The following ACOXL variants were observed in gnomAD, a reference collection of about 807,000 sequenced individuals.
The protein encoded by ACOXL is acyl-coenzyme A oxidase-like protein.
ACOXL carries 70 observed loss-of-function variants against 71.9 expected under a neutral mutation model. That is an observed-to-expected ratio of 0.97 (90% CI 0.80 to 1.19). ACOXL has a LOEUF of 1.19. Among genes scored for constraint, ACOXL ranks in the 50% most tolerant of loss-of-function variants. The pLI, the probability that ACOXL is intolerant of heterozygous loss-of-function variation, is 0.00. For synonymous variants in ACOXL, 253 were observed against 281.6 expected (o/e 0.90, Z 1.02); for missense variants, 703 against 736.3 (o/e 0.95, Z 0.52).
chr2:110,855,602 A>G (rs752366265), intron 10 of ACOXL, among the ~76,000 whole-genome samples: 2 of 152,242 alleles, frequency 1.3e-5, no homozygotes, highest in Non-Finnish European at 2.9e-5. Context: ...ATTTCCCTTT[A>G]CCCAATGCTT....
rs140502935 is a variant in ACOXL at position 110,782,936 on chromosome 2, C to G, written c.76-1796C>G. Among the ~76,000 whole-genome samples, 174 of 152,204 alleles carry G rather than the reference C, an allele frequency of 1.1e-3. 1 individual carries two copies. Among genetic ancestry groups the G allele is most frequent in the Non-Finnish European group, 1.6e-3 (110 of 67,998 alleles). ...CCAGGACAGGTTGATGTCAGGTGCT[C>G]TCTGGGAACAAGGCTGGTGGTGAAA... On this transcript the variant is annotated intron_variant, in intron 2 of 17. Transcript: ENST00000439055.
At chr2:110,860,200 T>C (rs1453608487) in intron 10 of ACOXL, among the ~76,000 whole-genome samples, 1 of 152,168 alleles carries the variant, frequency 6.6e-6, no homozygotes, top group Non-Finnish European at 1.5e-5. Context: ...AACCTCTACC[T>C]CCTGGGATCA....
chr2:110,807,570 G>A (rs1447485662), intron 9 of ACOXL, among the ~76,000 whole-genome samples: 4 of 152,150 alleles, frequency 2.6e-5, no homozygotes, highest in African/African-American at 9.7e-5. Context: ...ACAGTAACCC[G>A]GAGTTAGCAC....
chr2:110,859,043 G>A (rs1173407013), intron 10 of ACOXL, among the ~76,000 whole-genome samples: 4 of 152,198 alleles, frequency 2.6e-5, no homozygotes, highest in Admixed American at 6.5e-5. Flanking sequence ...AGGTCAAATT[G>A]CAAAGTTGAA....
At chr2:110,975,590 T>TA (rs894994966) in intron 12 of ACOXL, among the ~76,000 whole-genome samples, 3 of 151,686 alleles carry the variant, frequency 2.0e-5, no homozygotes, top group African/African-American at 4.8e-5. Flanking sequence ...TAGTATTATC[T>TA]AAAAAAAATT....
At chr2:110,886,878 T>C in intron 10 of ACOXL, 2 of 1,550,114 alleles carry the variant, frequency 1.3e-6, no homozygotes, top group South Asian at 1.2e-5. Context: ...TGGTTTTTGC[T>C]AACGTTTCTT....
intron 10 of ACOXL, among the ~76,000 whole-genome samples, chr2:110,871,198 C>T (rs183944216): frequency 2.6e-5 from 4 of 152,222 alleles, no homozygotes; most frequent in African/African-American, 4.8e-5. Flanking sequence ...AAATCCCTTT[C>T]GGTGTGCCTG....
At chr2:111,065,716 G>A (rs564976340) in intron 16 of ACOXL, among the ~76,000 whole-genome samples, 5 of 152,278 alleles carry the variant, frequency 3.3e-5, no homozygotes, top group South Asian at 2.1e-4. Flanking sequence ...AAAAACAGGC[G>A]TTTCACTCAT....
At chr2:110,883,957 A>G (rs1466132917) in intron 10 of ACOXL, among the ~76,000 whole-genome samples, 1 of 152,190 alleles carries the variant, frequency 6.6e-6, no homozygotes, top group African/African-American at 2.4e-5. Flanking sequence ...TAGTTAATTC[A>G]TGTGATGGAG....
At chr2:110,803,198 G>A (rs140866680) in intron 8 of ACOXL, among the ~76,000 whole-genome samples, 207 of 152,276 alleles carry the variant, frequency 1.4e-3, no homozygotes, top group African/African-American at 4.5e-3. Context: ...ATATGGAAAT[G>A]CAGGAAACTT....
At chr2:110,818,410 C>T (rs199557536) in intron 9 of ACOXL, among the ~76,000 whole-genome samples, 4,159 of 128,234 alleles carry the variant, frequency 0.032, 177 homozygotes, top group African/African-American at 0.062. Flanking sequence ...AAAAAAAAAA[C>T]ATATATATAT....
In ACOXL at chr2:111,108,822, CCT is replaced by C. The variant is rs1479764600; in HGVS notation, c.1543-8793_1543-8792del. ...TTTCCATCAATTCCTCACCCTGACCCCTGAGTTTCTAACTTTATTATAAGAGC... is the reference window on the plus strand; with the variant it reads ...TTTCCATCAATTCCTCACCCTGACCCGAGTTTCTAACTTTATTATAAGAGC... On this transcript the variant is annotated intron_variant, in intron 17 of 17. Coordinates refer to ENST00000439055, the MANE Select transcript of ACOXL (RefSeq NM_001142807.4). 7.2e-5 allele frequency among the ~76,000 whole-genome samples: 11 copies of C among 152,192 alleles called. 1 individual carries two copies. Among genetic ancestry groups the C allele is most frequent in the Middle Eastern group, 6.3e-3 (2 of 316 alleles).
chr2:110,799,844 CAAG>C (rs2105319291), intron 7 of ACOXL, among the ~76,000 whole-genome samples: 1 of 152,256 alleles, frequency 6.6e-6, no homozygotes, highest in East Asian at 1.9e-4. Flanking sequence ...GTGTAACTAG[CAAG>C]AAGATTGTGA....
Position 110,882,382 on chromosome 2 carries a change from T to C in ACOXL, c.789-26407T>C, listed in dbSNP as rs183644402. 4.1e-3 allele frequency among the ~76,000 whole-genome samples: 631 copies of C among 152,376 alleles called. 4 individuals are homozygous for C. Among genetic ancestry groups the C allele is most frequent in the Middle Eastern group, 0.02 (6 of 294 alleles). ...TTGAATACAAGTGCTTTATCAGATA[T>C]GCCTTTTGCAAATATTTTCTGCCAG... On this transcript the variant is annotated intron_variant, in intron 10 of 17. Coordinates refer to ENST00000439055, the MANE Select transcript of ACOXL (RefSeq NM_001142807.4).
intron 5 of ACOXL, among the ~76,000 whole-genome samples, chr2:110,798,271 T>TC (rs1685510989): frequency 6.6e-6 from 1 of 151,704 alleles, no homozygotes; most frequent in East Asian, 1.9e-4. Flanking sequence ...TTTTTTTTTT[T>TC]TTTGAGATGG....
At chr2:111,042,069 C>A (rs2065812680) in intron 15 of ACOXL, among the ~76,000 whole-genome samples, 1 of 152,186 alleles carries the variant, frequency 6.6e-6, no homozygotes, top group East Asian at 1.9e-4. Flanking sequence ...CTGCTCACAT[C>A]TAGGATTTTG....
intron 9 of ACOXL, among the ~76,000 whole-genome samples, chr2:110,828,852 C>G (rs1330051432): frequency 4.6e-5 from 7 of 151,776 alleles, no homozygotes; most frequent in Non-Finnish European, 7.4e-5. Context: ...GTTCTTGTTG[C>G]CCAGGCTAGA....
intron 12 of ACOXL, among the ~76,000 whole-genome samples, chr2:110,971,476 C>T (rs1236522294): frequency 2.0e-5 from 3 of 152,130 alleles, no homozygotes; most frequent in Admixed American, 6.5e-5. Flanking sequence ...TACATTCATG[C>T]AAATGCTACA....
intron 3 of ACOXL, among the ~76,000 whole-genome samples, chr2:110,792,404 G>A (rs1308408619): frequency 6.6e-6 from 1 of 152,158 alleles, no homozygotes; most frequent in African/African-American, 2.4e-5. Flanking sequence ...AAGCCACTCT[G>A]CCTCTTCCTG....
Sources: gnomAD v4.1 joint callset for allele counts (sites outside exome capture counted in the v4.1 genomes callset) on GRCh38, gnomAD v4.1.1 for gene constraint, MANE v1.5 for transcripts, NCBI Gene and HGNC (gene_info 2026-07-23, HGNC 2026-07-21) for gene names.